MAST4: variants seen among roughly 807,000 people sequenced by gnomAD.
MAST4 encodes the protein microtubule associated serine/threonine kinase family member 4.
A neutral mutation model predicts 162.7 loss-of-function variants in MAST4; 89 were observed. The ratio of observed to expected loss-of-function variants is 0.55; its 90% CI spans 0.46 to 0.65. The LOEUF (loss-of-function observed/expected upper bound fraction) is 0.65. Ranked by LOEUF, MAST4 falls within the 30% of genes least tolerant of loss-of-function variation. The pLI is 0.00. For synonymous variants in MAST4, 1,479 were observed against 1,361.1 expected (o/e 1.09, Z -1.91); for missense variants, 3,153 against 3,374.0 (o/e 0.93, Z 1.62).
chr5:66,641,609 A>C (rs547137873), intron 1 of MAST4, among the ~76,000 whole-genome samples: 1 of 152,336 alleles, frequency 6.6e-6, no homozygotes, highest in South Asian at 2.1e-4. Flanking sequence ...TCTGGGAGAA[A>C]TGGCTGATTC....
chr5:66,788,689 C>A lies in MAST4; in HGVS notation c.537C>A (p.Asn179Lys). The change falls in exon 3 of 29, where the codon AAC becomes AAA. Residue 179 changes from asparagine (N) to lysine (K), a missense_variant. This residue lies in a region of MAST4 where 327 missense variants were observed against 336.5 expected (regional missense o/e 0.97). Transcript: ENST00000403625. Reference sequence around the variant, plus strand: ...CAACAGGGAGGTACCTTCTTCCAAACCCGGTGGCGGGACAGGCCTGGCCGG... The same window carrying A: ...CAACAGGGAGGTACCTTCTTCCAAAACCGGTGGCGGGACAGGCCTGGCCGG... ...GALTGRYLLP[N>K]PVAGQAWPAS... 1.4e-6 allele frequency: 2 copies of A among 1,442,860 alleles called. No homozygotes were observed. Among genetic ancestry groups the A allele is most frequent in the Non-Finnish European group, 1.9e-6 (2 of 1,072,320 alleles). 89.4% of individuals were successfully genotyped at this position (1,442,860 alleles called of 1,614,324 possible). A position where few individuals can be genotyped will look rare whatever the true frequency, so the allele number is the denominator to read the frequency against.
At chr5:66,700,800 T>TACAC (rs10522165) in intron 1 of MAST4, among the ~76,000 whole-genome samples, 29 of 91,134 alleles carry the variant, frequency 3.2e-4, no homozygotes, top group Admixed American at 1.2e-3. Flanking sequence ...TATATATATA[T>TACAC]ACACACACAC....
chr5:67,005,505 G>A (rs1751919201), intron 4 of MAST4, among the ~76,000 whole-genome samples: 1 of 152,174 alleles, frequency 6.6e-6, no homozygotes, highest in Non-Finnish European at 1.5e-5. Context: ...ACCTTTATAA[G>A]ATGCAGATGT....
At position 67,144,723 on chromosome 5, in the gene MAST4, T is replaced by C. The variant is rs897832641; in HGVS notation, c.2785T>C (p.Ser929Pro). The change falls in exon 22 of 29, where the codon TCT (serine) becomes CCT (proline). Residue 929 changes from serine to proline, a missense_variant. Coordinates refer to ENST00000403625, the MANE Select transcript of MAST4 (RefSeq NM_001164664.2). The stretch of plus-strand genomic sequence containing the variant: ...GAATTCAGCAGAAGAGAAGGAAGAC[T>C]CTGTGGACAAAACCAAAAGCACCAC... ...TQNSAEEKED[S>P]VDKTKSTTLP... is the part of the protein sequence containing the mutation. The C allele has an allele frequency of 3.0e-5, 48 of 1,613,828 alleles. No individual in the cohort carries two copies. The highest frequency in any genetic ancestry group is 3.7e-5 in the Non-Finnish European group (44 of 1,179,848).
chr5:66,747,128 G>GTGTGTGTA (rs1554048331), intron 1 of MAST4, among the ~76,000 whole-genome samples: 1 of 144,682 alleles, frequency 6.9e-6, no homozygotes, highest in Non-Finnish European at 1.5e-5. Context: ...GTGTGTGTGT[G>GTGTGTGTA]TGTATGTATG....
At chr5:66,768,656 G>A (rs1233028778) in intron 2 of MAST4, among the ~76,000 whole-genome samples, 1 of 152,128 alleles carries the variant, frequency 6.6e-6, no homozygotes, top group African/African-American at 2.4e-5. Context: ...GAGGGAAGTA[G>A]GTATGGCTAT....
chr5:67,165,548 G>A lies in MAST4; in HGVS notation c.6369G>A (p.Glu2123=), dbSNP rs766558592. The change falls in exon 29 of 29, where the codon GAG becomes GAA. Residue 2123 remains glutamate, a synonymous_variant. Coordinates refer to ENST00000403625, the MANE Select transcript of MAST4 (RefSeq NM_001164664.2). ...KDGAKEPERK[E]QPLQRHPSSI... is the part of the protein sequence containing the mutation. ...GTGCCAAGGAACCTGAAAGGAAGGA[G>A]CAGCCTCTACAAAGGCATCCCAGCA... 6.2e-7 allele frequency: 1 copy of A among 1,613,648 alleles called. No homozygotes were observed. The highest frequency in any genetic ancestry group is 1.3e-5 in the African/African-American group (1 of 75,056).
intron 6 of MAST4, among the ~76,000 whole-genome samples, chr5:67,095,367 A>G (rs1764333373): frequency 6.6e-6 from 1 of 152,178 alleles, no homozygotes; most frequent in South Asian, 2.1e-4. Context: ...TGAGACATCA[A>G]TAATATGGAT....
intron 3 of MAST4, among the ~76,000 whole-genome samples, chr5:66,863,938 C>T (rs1212473680): frequency 1.3e-5 from 2 of 152,230 alleles, no homozygotes; most frequent in Non-Finnish European, 2.9e-5. Context: ...AAATTCTTCT[C>T]AAGCCACCCA....
Position 67,121,113 on chromosome 5 carries a change from C to T in MAST4, c.1745+11C>T. ...CAATGGAGCCTATGGGTGAGTAATT[C>T]AAGAAAAGCTCTCTATTGTATTTCT... On this transcript the variant is annotated intron_variant, in intron 14 of 28. Transcript: ENST00000403625. The T allele has an allele frequency of 6.4e-7, 1 of 1,570,792 alleles. No individual in the cohort carries two copies. The highest frequency in any genetic ancestry group is 8.7e-7 in the Non-Finnish European group (1 of 1,148,412).
intron 5 of MAST4, among the ~76,000 whole-genome samples, chr5:67,056,106 C>G (rs923912959): frequency 1.3e-5 from 2 of 150,024 alleles, no homozygotes; most frequent in East Asian, 3.9e-4. Flanking sequence ...AATATAAGAG[C>G]CTAAAGCAAA....
intron 3 of MAST4, among the ~76,000 whole-genome samples, chr5:66,869,959 TGGA>T (rs551833816): frequency 1.3e-5 from 2 of 152,166 alleles, no homozygotes; most frequent in Admixed American, 6.5e-5. Context: ...CTCTGAGAGG[TGGA>T]GAAGTAAAAC....
chr5:66,716,478 T>TG (rs1392453756), intron 1 of MAST4, among the ~76,000 whole-genome samples: 10 of 151,920 alleles, frequency 6.6e-5, no homozygotes, highest in Admixed American at 2.0e-4. Context: ...CCCGAGTAGC[T>TG]GGGACTACAG....
chr5:66,900,005 CTTGT>C, intron 4 of MAST4, 23 bp downstream of exon 4: 1 of 1,474,604 alleles, frequency 6.8e-7, no homozygotes, highest in Non-Finnish European at 9.0e-7. Flanking sequence ...ATTTTGTTTC[CTTGT>C]TTTCTTTTTA....
At position 67,164,442 on chromosome 5, in the gene MAST4, T is replaced by C; in HGVS notation, c.5263T>C (p.Phe1755Leu). 1 of 1,613,976 alleles carries C rather than the reference T, an allele frequency of 6.2e-7. No homozygotes were observed. Among genetic ancestry groups the C allele is most frequent in the Non-Finnish European group, 8.5e-7 (1 of 1,179,882 alleles). Residue 1755 changes from phenylalanine (F) to leucine (L), a missense_variant, in exon 29 of 29, where the codon TTT becomes CTT. By Grantham distance (22) the Phe-to-Leu change is conservative. Around this residue, in one of 7 missense-constraint regions of MAST4, gnomAD observed 1,644 missense variants for 1,495.0 expected, o/e 1.10. Coordinates refer to ENST00000403625, the MANE Select transcript of MAST4 (RefSeq NM_001164664.2). This position sits in a 1 kb window ranked among gnomAD's most constrained non-coding sequence, Gnocchi z 5.3. ...TGCAGCTCAGATGAGTGCCGTCTCT[T>C]TTGTTCCCCTCAAGGCCTTAACAGG... ...THAAQMSAVSFVPLKALTGRV... is the reference protein window; with the variant it reads ...THAAQMSAVSLVPLKALTGRV...
Position 67,133,569 on chromosome 5 carries a change from G to T in MAST4, c.2149G>T (p.Val717Leu), listed in dbSNP as rs776724774. The T allele has an allele frequency of 6.2e-7, 1 of 1,613,478 alleles. No individual in the cohort carries two copies. The highest frequency in any genetic ancestry group is 1.1e-5 in the South Asian group (1 of 91,064). ...GCTGACAGATTTTGGATTATCTAAG[G>T]TGGGACTAATGAGCATGACTACCAA... Reference protein sequence around the residue: ...IKLTDFGLSKVGLMSMTTNLY... With the variant: ...IKLTDFGLSKLGLMSMTTNLY... The change falls in exon 17 of 29, where the codon GTG (valine) becomes TTG (leucine). Residue 717 changes from valine to leucine, a missense_variant. Transcript: ENST00000403625.
chr5:66,880,373 G>A (rs1243406249), intron 3 of MAST4, among the ~76,000 whole-genome samples: 2 of 152,152 alleles, frequency 1.3e-5, no homozygotes, highest in African/African-American at 4.8e-5. Context: ...AGGATGGAAA[G>A]GAGTTTTTTA....
chr5:66,949,932 T>C (rs1744470895), intron 4 of MAST4, among the ~76,000 whole-genome samples: 1 of 152,196 alleles, frequency 6.6e-6, no homozygotes, highest in Non-Finnish European at 1.5e-5. Flanking sequence ...GTCTGAAAGC[T>C]GTAAAACCTC....
At chr5:66,990,475 T>C (rs938908600) in intron 4 of MAST4, among the ~76,000 whole-genome samples, 2 of 152,210 alleles carry the variant, frequency 1.3e-5, no homozygotes, top group South Asian at 2.1e-4. Flanking sequence ...CGTCTCTACA[T>C]AGAATTTTTT....
Sources: gnomAD v4.1 joint callset for allele counts (sites outside exome capture counted in the v4.1 genomes callset) on GRCh38, gnomAD v4.1.1 for gene constraint, gnomAD v4.1.1 regional missense constraint, Gnocchi (gnomAD v3.1) non-coding constraint, MANE v1.5 for transcripts, NCBI Gene and HGNC (gene_info 2026-07-23, HGNC 2026-07-21) for gene names.